The following ARHGAP30 variants were observed in gnomAD, a reference collection of about 807,000 sequenced individuals.
ARHGAP30 encodes rho GTPase-activating protein 30.
In ARHGAP30, 23 loss-of-function variants were observed where a neutral mutation model predicts 72.0. The ratio of observed to expected loss-of-function variants is 0.32; its 90% CI spans 0.23 to 0.45. ARHGAP30 has a LOEUF of 0.45. Ranked by LOEUF, ARHGAP30 falls within the 20% of genes least tolerant of loss-of-function variation. ARHGAP30 has a pLI of 1.00. For synonymous variants in ARHGAP30, 576 were observed against 528.2 expected, an observed-to-expected ratio of 1.09 and a Z score of -1.24; for missense variants, 1,319 against 1,383.4, an observed-to-expected ratio of 0.95 and a Z score of 0.74.
At chr1:161,067,871 G>T (rs536655136) in intron 1 of ARHGAP30, among the ~76,000 whole-genome samples, 11 of 152,264 alleles carry the variant, frequency 7.2e-5, no homozygotes, top group African/African-American at 2.6e-4. Flanking sequence ...TCTGTACCAG[G>T]AAGACCTGAG....
rs1393450255 is a variant in ARHGAP30, at chr1:161,051,707, C to T, written c.1027G>A (p.Gly343Arg). 9 of 1,607,048 alleles carry T rather than the reference C, an allele frequency of 5.6e-6. No homozygotes were observed. The highest frequency in any genetic ancestry group is 7.6e-6 in the Non-Finnish European group (9 of 1,176,948). ...AAAGASDEPE[G>R]LVGPSSPRPS... Reference sequence around the variant, plus strand: ...CGGGGGCTGCTGGGCCCCACCAGCCCCTCTGGCTCTGTGGAGGAAAAAGAG... The same window carrying T: ...CGGGGGCTGCTGGGCCCCACCAGCCTCTCTGGCTCTGTGGAGGAAAAAGAG... Residue 343 changes from glycine (G) to arginine (R), a missense_variant, in exon 10 of 12, where the codon GGG becomes AGG. Physicochemically the swap from Gly to Arg is moderately radical, Grantham distance 125 (BLOSUM62 -2). Around this residue, in one of 2 missense-constraint regions of ARHGAP30, gnomAD observed 1,097 missense variants for 1,045.2 expected, o/e 1.05. Coordinates refer to ENST00000368013, the MANE Select transcript of ARHGAP30 (RefSeq NM_001025598.2).
At chr1:161,059,347 T>C (rs1279401200) in intron 2 of ARHGAP30, among the ~76,000 whole-genome samples, 1 of 151,864 alleles carries the variant, frequency 6.6e-6, no homozygotes, top group Admixed American at 6.6e-5. Flanking sequence ...TTTTTTTTTT[T>C]TTTTTTAAGC....
rs529012712 is a variant in ARHGAP30, at chr1:161,059,810, C to T, written c.98-94G>A. On this transcript the variant is annotated intron_variant, in intron 1 of 11. Coordinates refer to ENST00000368013, the MANE Select transcript of ARHGAP30 (RefSeq NM_001025598.2). ...TGAGAAATGGAATTTGGGGAGACCACGACGAGCAAAGCTCATGGAATAAAA... is the reference window on the plus strand; with the variant it reads ...TGAGAAATGGAATTTGGGGAGACCATGACGAGCAAAGCTCATGGAATAAAA... The T allele has an allele frequency of 2.8e-5, 29 of 1,040,616 alleles. No homozygotes were observed. In the South Asian group the frequency reaches 3.2e-4, roughly 12 times the overall value. 64.5% of individuals were successfully genotyped at this position (1,040,616 alleles called of 1,614,324 possible).
Position 161,049,028 on chromosome 1 carries a change from G to A in ARHGAP30, c.1993C>T (p.Pro665Ser), listed in dbSNP as rs765180404. 10 of 1,613,702 alleles carry A rather than the reference G, an allele frequency of 6.2e-6. No individual in the cohort carries two copies. The South Asian group carries it at 7.7e-5, about 12-fold the overall frequency. ...WEVGEDKQAEPGGRLDIREEA... is the reference protein window; with the variant it reads ...WEVGEDKQAESGGRLDIREEA... ...TCCCTGATGTCTAGCCTGCCTCCAG[G>A]CTCAGCCTGCTTGTCCTCCCCAACT... Residue 665 changes from proline to serine, a missense_variant, in exon 12 of 12, where the codon CCT (proline) becomes TCT (serine). Pro to Ser is a moderately conservative substitution (Grantham distance 74). This residue lies in a region of ARHGAP30 where 1,097 missense variants were observed against 1,045.2 expected (regional missense o/e 1.05). Transcript: ENST00000368013.
intron 1 of ARHGAP30, among the ~76,000 whole-genome samples, chr1:161,068,058 G>A (rs1033923793): frequency 6.6e-5 from 10 of 152,156 alleles, no homozygotes; most frequent in South Asian, 2.1e-4. Flanking sequence ...GGAAGAGGCC[G>A]GGAGGGTTAT....
At chr1:161,059,376 T>C (rs1469114501) in intron 2 of ARHGAP30, among the ~76,000 whole-genome samples, 3 of 150,410 alleles carry the variant, frequency 2.0e-5, no homozygotes, top group African/African-American at 7.3e-5. Flanking sequence ...TGTGTGGGAA[T>C]GGTGTATGTG....
chr1:161,064,415 G>A (rs541847946), intron 1 of ARHGAP30, among the ~76,000 whole-genome samples: 12 of 152,252 alleles, frequency 7.9e-5, no homozygotes, highest in African/African-American at 2.9e-4. Context: ...CAGAATACTG[G>A]GTTCTATTAA....
Position 161,049,404 on chromosome 1 carries a change from C to T in ARHGAP30, c.1686+20G>A. On this transcript the variant is annotated intron_variant, in intron 11 of 11. Transcript: ENST00000368013. ...CCCTTGACTCCATGCCACCCCCAAA[C>T]CCAGCACGGCTCTCCTTACCTGAGG... is the stretch of plus-strand genomic sequence containing the variant. The T allele has an allele frequency of 3.7e-6, 6 of 1,600,510 alleles. No homozygotes were observed. The highest frequency in any genetic ancestry group is 5.1e-6 in the Non-Finnish European group (6 of 1,172,358).
chr1:161,064,819 GAAAGAAAGAAAGAGAAAGAAAGAAAGA>G (rs1652607116), intron 1 of ARHGAP30, among the ~76,000 whole-genome samples: 1 of 60,600 alleles, frequency 1.7e-5, no homozygotes, highest in Admixed American at 1.7e-4. Flanking sequence ...AAGAAAGAAA[GAAAGAAAGAAAGAGAAAGAAAGAAAGA>G]AAGGAAAGGA....
chr1:161,049,511 C>G lies in ARHGAP30; in HGVS notation c.1599G>C (p.Gln533His). Residue 533 changes from glutamine to histidine, a missense_variant, in exon 11 of 12, where the codon CAG becomes CAC. Coordinates refer to ENST00000368013, the MANE Select transcript of ARHGAP30 (RefSeq NM_001025598.2). ...WVGAEDGEVA[Q>H]AEAAGAAFSP... ...AGAAGGCTGCTCCTGCTGCTTCTGC[C>G]TGGGCCACCTCCCCATCCTCTGCCC... 1 of 1,614,172 alleles carries G rather than the reference C, an allele frequency of 6.2e-7. No individual in the cohort carries two copies. The highest frequency in any genetic ancestry group is 8.5e-7 in the Non-Finnish European group (1 of 1,180,030).
chr1:161,059,862 A>C, intron 1 of ARHGAP30, 146 bp from the exon 2 acceptor site: 1 of 667,612 alleles, frequency 1.5e-6, no homozygotes, highest in Non-Finnish European at 2.5e-6. Context: ...CTTACAGATC[A>C]TCAGCTTCAA....
chr1:161,063,189 A>G (rs1652452092), intron 1 of ARHGAP30, among the ~76,000 whole-genome samples: 1 of 152,212 alleles, frequency 6.6e-6, no homozygotes, highest in Non-Finnish European at 1.5e-5. Flanking sequence ...CTGACATATA[A>G]TAACATCCTC....
intron 1 of ARHGAP30, among the ~76,000 whole-genome samples, chr1:161,061,159 G>T (rs1269744618): frequency 6.6e-6 from 1 of 151,688 alleles, no homozygotes; most frequent in Non-Finnish European, 1.5e-5. Flanking sequence ...TTGTTGTTGG[G>T]TTCTGTTTGT....
intron 2 of ARHGAP30, among the ~76,000 whole-genome samples, chr1:161,058,042 T>A (rs1652006105): frequency 2.6e-5 from 4 of 152,076 alleles, no homozygotes; most frequent in South Asian, 4.1e-4. Flanking sequence ...TCCCAGCTAT[T>A]CAGGAGGCTG....
chr1:161,051,246 C>A, intron 10 of ARHGAP30, 68 bp downstream of exon 10: 1 of 1,505,500 alleles, frequency 6.6e-7, no homozygotes, highest in Admixed American at 2.2e-5. Flanking sequence ...GTGGATCTTC[C>A]AGCATCAGAG....
intron 5 of ARHGAP30, among the ~76,000 whole-genome samples, chr1:161,054,046 C>A (rs1651646597): frequency 3.9e-5 from 6 of 152,138 alleles, no homozygotes; most frequent in Admixed American, 3.9e-4. Flanking sequence ...CCAGCCTGGG[C>A]AACAGAGCAA....
At chr1:161,060,098 T>C (rs1193827360) in intron 1 of ARHGAP30, 3 of 359,572 alleles carry the variant, frequency 8.3e-6, no homozygotes, top group African/African-American at 6.4e-5. Flanking sequence ...CTGAGTAACA[T>C]GCTGAAACTC....
At chr1:161,068,094 G>A (rs1652896417) in intron 1 of ARHGAP30, among the ~76,000 whole-genome samples, 1 of 152,098 alleles carries the variant, frequency 6.6e-6, no homozygotes, top group African/African-American at 2.4e-5. Flanking sequence ...GCTGGCTGTG[G>A]GTTCAGTGTT....
At chr1:161,060,187 G>A (rs755795487) in intron 1 of ARHGAP30, 5 of 451,976 alleles carry the variant, frequency 1.1e-5, no homozygotes, top group South Asian at 7.8e-5. Context: ...AGGCTGATAT[G>A]GGAGGATCAC....
Sources: gnomAD v4.1 joint callset for allele counts (sites outside exome capture counted in the v4.1 genomes callset) on GRCh38, gnomAD v4.1.1 for gene constraint, gnomAD v4.1.1 regional missense constraint, MANE v1.5 for transcripts, NCBI Gene and HGNC (gene_info 2026-07-23, HGNC 2026-07-21) for gene names.